The following SUGCT variants were observed in gnomAD, a reference collection of about 807,000 sequenced individuals.
SUGCT encodes succinyl-CoA:glutarate CoA-transferase.
A neutral mutation model predicts 55.0 loss-of-function variants in SUGCT; 41 were observed. That is an observed-to-expected ratio of 0.74 (90% confidence interval 0.58 to 0.97). The LOEUF is 0.97. Ranked by LOEUF, SUGCT falls within the 50% of genes least tolerant of loss-of-function variation. SUGCT has a pLI of 0.00. For synonymous variants in SUGCT, 187 were observed against 200.4 expected (o/e 0.93, Z 0.56); for missense variants, 568 against 547.8 (o/e 1.04, Z -0.37).
the SUGCT span, among the ~76,000 whole-genome samples, chr7:40,955,974 A>C: frequency 1.0e-3 from 158 of 152,334 alleles, 1 homozygote; most frequent in African/African-American, 3.6e-3. Flanking sequence ...CACAGGGATG[A>C]AGCCAAGTTG....
At chr7:40,509,880 A>G (rs1247694218) in intron 12 of SUGCT, among the ~76,000 whole-genome samples, 1 of 152,088 alleles carries the variant, frequency 6.6e-6, no homozygotes, top group Non-Finnish European at 1.5e-5. Context: ...TCAGTGGGAG[A>G]GATGGTGTAG....
chr7:40,699,344 G>C (rs889175135), intron 12 of SUGCT, among the ~76,000 whole-genome samples: 1 of 152,212 alleles, frequency 6.6e-6, no homozygotes. Context: ...GAGCGAGTAG[G>C]TTTGTGTGTG....
intron 9 of SUGCT, among the ~76,000 whole-genome samples, chr7:40,394,185 AT>A (rs140348557): frequency 0.048 from 7,247 of 152,220 alleles, 265 homozygotes; most frequent in Non-Finnish European, 0.07. Flanking sequence ...TTAAAAAAAA[AT>A]AATGATGCCG....
At chr7:40,446,287 A>G (rs1316456666) in intron 9 of SUGCT, among the ~76,000 whole-genome samples, 1 of 152,104 alleles carries the variant, frequency 6.6e-6, no homozygotes, top group African/African-American at 2.4e-5. Flanking sequence ...CTTTCTTCAC[A>G]TTATATATTC....
intron 12 of SUGCT, among the ~76,000 whole-genome samples, chr7:40,529,211 A>G (rs996891229): frequency 4.6e-5 from 7 of 152,210 alleles, no homozygotes; most frequent in Non-Finnish European, 1.0e-4. Flanking sequence ...AGTTTAATTG[A>G]TTCTTCCAAA....
intron 8 of SUGCT, among the ~76,000 whole-genome samples, chr7:40,314,094 A>G (rs978547315): frequency 4.6e-5 from 7 of 152,212 alleles, no homozygotes; most frequent in Admixed American, 2.0e-4. Flanking sequence ...GGGGCAGGTC[A>G]GAAACACAGA....
At chr7:41,003,087 C>T in the SUGCT span, among the ~76,000 whole-genome samples, 319 of 152,186 alleles carry the variant, frequency 2.1e-3, 9 homozygotes, top group East Asian at 0.045. Context: ...AGATGAAATC[C>T]GTGAAATTCT....
chr7:40,807,954 C>T (rs1364465467), intron 13 of SUGCT, among the ~76,000 whole-genome samples: 2 of 152,176 alleles, frequency 1.3e-5, no homozygotes, highest in African/African-American at 4.8e-5. Context: ...TTTATTCTGG[C>T]CTCACTTGTG....
chr7:40,791,275 C>G (rs1054958464), intron 13 of SUGCT, among the ~76,000 whole-genome samples: 8 of 152,128 alleles, frequency 5.3e-5, no homozygotes, highest in African/African-American at 1.7e-4. Context: ...TTCAAAAGAA[C>G]CATTACTGTA....
intron 9 of SUGCT, among the ~76,000 whole-genome samples, chr7:40,341,080 G>A (rs1797018147): frequency 6.6e-6 from 1 of 152,152 alleles, no homozygotes; most frequent in Non-Finnish European, 1.5e-5. Context: ...TGTGAAATAA[G>A]TTATTGCACT....
At chr7:40,666,394 A>AAGGAAG (rs1562934861) in intron 12 of SUGCT, among the ~76,000 whole-genome samples, 41 of 95,458 alleles carry the variant, frequency 4.3e-4, no homozygotes, top group African/African-American at 2.6e-3. Flanking sequence ...AAGGAAGGAA[A>AAGGAAG]GAAAGAAAGT....
intron 9 of SUGCT, among the ~76,000 whole-genome samples, chr7:40,377,193 TC>T (rs1562728574): frequency 2.9e-3 from 30 of 10,348 alleles, no homozygotes; most frequent in East Asian, 0.045. Flanking sequence ...TTTCTTTCTT[TC>T]TTTCTTTTCT....
intron 7 of SUGCT, among the ~76,000 whole-genome samples, chr7:40,259,772 T>A (rs28414155): frequency 0.19 from 28,511 of 152,218 alleles, 2,824 homozygotes; most frequent in Middle Eastern, 0.23. Context: ...TTTTTGGTTT[T>A]ATTCTCTAAT....
the SUGCT span, among the ~76,000 whole-genome samples, chr7:40,976,230 C>T: frequency 1.3e-5 from 2 of 152,204 alleles, no homozygotes. Flanking sequence ...AATATCACCT[C>T]CTGCTGCCCT....
At chr7:40,433,993 A>G (rs543101931) in intron 9 of SUGCT, among the ~76,000 whole-genome samples, 3 of 152,314 alleles carry the variant, frequency 2.0e-5, no homozygotes, top group African/African-American at 7.2e-5. Context: ...GGGCATATAC[A>G]TACCACATAT....
intron 9 of SUGCT, among the ~76,000 whole-genome samples, chr7:40,339,219 T>G (rs574433169): frequency 6.4e-4 from 97 of 152,300 alleles, no homozygotes; most frequent in Non-Finnish European, 1.1e-3. Flanking sequence ...GAGGCAGTCT[T>G]AGCGTTCTCA....
intron 13 of SUGCT, among the ~76,000 whole-genome samples, chr7:40,819,070 C>G (rs1168363458): frequency 1.3e-5 from 2 of 151,914 alleles, no homozygotes; most frequent in Non-Finnish European, 1.5e-5. Context: ...CGTCCATGTC[C>G]CTACAAAGGA....
chr7:40,717,427 G>A (rs1786080500), intron 12 of SUGCT, among the ~76,000 whole-genome samples: 1 of 152,206 alleles, frequency 6.6e-6, no homozygotes, highest in Admixed American at 6.5e-5. Flanking sequence ...CCGTGCACAA[G>A]GCGTGAACTC....
intron 12 of SUGCT, among the ~76,000 whole-genome samples, chr7:40,597,585 G>C (rs1798078389): frequency 6.6e-6 from 1 of 152,112 alleles, no homozygotes; most frequent in African/African-American, 2.4e-5. Flanking sequence ...ATGAAGACTA[G>C]ATCTGGCCAT....
Sources: gnomAD v4.1 joint callset for allele counts (sites outside exome capture counted in the v4.1 genomes callset) on GRCh38, gnomAD v4.1.1 for gene constraint, MANE v1.5 for transcripts, NCBI Gene and HGNC (gene_info 2026-07-23, HGNC 2026-07-21) for gene names.